The following VCL variants were observed in gnomAD, a reference collection of about 807,000 sequenced individuals.
VCL encodes the protein epididymis luminal protein 114.
Under a neutral mutation model 125.7 loss-of-function variants are expected in VCL, and 47 were observed. The observed-to-expected ratio is 0.37, with a 90% CI of 0.30 to 0.48. VCL has a LOEUF of 0.48. VCL is among the 20% of genes least tolerant of loss of function. The probability of loss-of-function intolerance (pLI) is 0.99; values close to 1 mark genes in which losing one functional copy is unlikely to be tolerated. For synonymous variants in VCL, 458 were observed against 514.6 expected (o/e 0.89, Z 1.49); for missense variants, 1,069 against 1,455.5 (o/e 0.73, Z 4.32).
At chr10:74,086,591 G>A (rs1378846362) in intron 8 of VCL, among the ~76,000 whole-genome samples, 1 of 152,212 alleles carries the variant, frequency 6.6e-6, no homozygotes. Flanking sequence ...TCCCAGTGTG[G>A]TAGCCAGTTT....
At chr10:74,023,354 A>G (rs1399813699) in intron 1 of VCL, among the ~76,000 whole-genome samples, 2 of 152,258 alleles carry the variant, frequency 1.3e-5, no homozygotes, top group Non-Finnish European at 2.9e-5. Flanking sequence ...AAGCCTCGGC[A>G]TGTAGTAGGC....
intron 2 of VCL, among the ~76,000 whole-genome samples, chr10:74,045,853 C>A (rs1178945458): frequency 6.6e-6 from 1 of 151,850 alleles, no homozygotes; most frequent in Admixed American, 6.6e-5. Context: ...GTTACATGGG[C>A]GGTTGTTTTA....
rs372402817 is a variant in VCL at position 74,097,326 on chromosome 10, G to A, written c.1866G>A (p.Arg622=). The change falls in exon 13 of 22, where the codon AGG becomes AGA. Residue 622 remains arginine, a synonymous_variant. Transcript: ENST00000211998. This position sits in a 1 kb window ranked among gnomAD's most constrained non-coding sequence, Gnocchi z 4.1. The part of the protein sequence containing the change: ...AATAPPDAPN[R]EEVFDERAAN... ...CGGCGCCTCCTGATGCGCCTAACAG[G>A]GAAGAGGTGGGTATCTGAGGTCTTC... The A allele has an allele frequency of 1.9e-6, 3 of 1,613,254 alleles. No homozygotes were observed. Among genetic ancestry groups the A allele is most frequent in the Non-Finnish European group, 2.5e-6 (3 of 1,179,754 alleles).
rs1839856660 is a variant in VCL at position 74,090,186 on chromosome 10, A to G, written c.1340A>G (p.Asp447Gly). The G allele has an allele frequency of 6.2e-7, 1 of 1,614,052 alleles. No individual in the cohort carries two copies. Among genetic ancestry groups the G allele is most frequent in the African/African-American group, 1.3e-5 (1 of 74,932 alleles). ...TCTGCTCTGACTTCTAAATTAGCAG[A>G]TCTACGAAGACAGTATGTATTTAAC... ...EISALTSKLA[D>G]LRRQGKGDSP... is the part of the protein sequence containing the mutation. The change falls in exon 10 of 22, where the codon GAT becomes GGT. Residue 447 changes from aspartate to glycine, a missense_variant. Around this residue, in one of 6 missense-constraint regions of VCL, gnomAD observed 760 missense variants for 928.9 expected, o/e 0.82. Transcript: ENST00000211998.
chr10:74,046,864 A>G (rs1841204275), intron 2 of VCL, among the ~76,000 whole-genome samples: 1 of 152,226 alleles, frequency 6.6e-6, no homozygotes. Context: ...ATGTGCTTTC[A>G]CAGACTTCTT....
chr10:74,067,423 G>A (rs1008071174), intron 2 of VCL, among the ~76,000 whole-genome samples: 1 of 151,860 alleles, frequency 6.6e-6, no homozygotes, highest in Non-Finnish European at 1.5e-5. Flanking sequence ...GGAGAATTAG[G>A]AGCCCTTATG....
chr10:74,064,564 C>A (rs1841535062), intron 2 of VCL, among the ~76,000 whole-genome samples: 1 of 152,094 alleles, frequency 6.6e-6, no homozygotes, highest in African/African-American at 2.4e-5. Flanking sequence ...AGCCACCGTG[C>A]CTGCCTATCT....
chr10:74,117,680 C>T lies in VCL; in HGVS notation c.3259-343C>T, dbSNP rs143447115. On this transcript the variant is annotated intron_variant, in intron 21 of 21. Coordinates refer to ENST00000211998, the MANE Select transcript of VCL (RefSeq NM_014000.3). ...AAAAGAATGAGCAGGGAAATCCTCA[C>T]CAAGGTGACAAGTGAGCAAAGATCT... Among the ~76,000 whole-genome samples the T allele has an allele frequency of 3.4e-4, 52 of 152,256 alleles. 1 individual carries two copies. The highest frequency in any genetic ancestry group is 1.2e-3 in the African/African-American group (49 of 41,558).
At chr10:74,087,512 A>AT (rs1839803136) in intron 8 of VCL, among the ~76,000 whole-genome samples, 1 of 116,004 alleles carries the variant, frequency 8.6e-6, no homozygotes, top group African/African-American at 4.1e-5. Context: ...ACGCCTGGCT[A>AT]ATTTTTTTTT....
chr10:74,083,207 A>G (rs1839707501), intron 7 of VCL, among the ~76,000 whole-genome samples, 159 bp from the exon 8 acceptor site: 1 of 152,208 alleles, frequency 6.6e-6, no homozygotes, highest in Non-Finnish European at 1.5e-5. Flanking sequence ...CTATGGTTTA[A>G]GGGCACTGCT....
At chr10:74,026,070 T>G (rs531363912) in intron 1 of VCL, among the ~76,000 whole-genome samples, 1 of 152,336 alleles carries the variant, frequency 6.6e-6, no homozygotes, top group East Asian at 1.9e-4. Context: ...AGCTAATGTT[T>G]TATTATGCAG....
chr10:74,002,421 G>A (rs1054283142), intron 1 of VCL, among the ~76,000 whole-genome samples: 4 of 151,616 alleles, frequency 2.6e-5, no homozygotes, highest in Admixed American at 6.6e-5. Flanking sequence ...CACCACGCCC[G>A]GCTGAATTGG....
At chr10:74,047,043 C>T (rs183336211) in intron 2 of VCL, among the ~76,000 whole-genome samples, 1 of 152,322 alleles carries the variant, frequency 6.6e-6, no homozygotes, top group African/African-American at 2.4e-5. Context: ...AAGCATTTAT[C>T]TTGCCTTTCC....
chr10:74,089,879 C>T, intron 9 of VCL, 144 bp from the exon 10 acceptor site: 1 of 921,584 alleles, frequency 1.1e-6, no homozygotes, highest in Non-Finnish European at 1.7e-6. Context: ...TATCTAAGAA[C>T]CTCCATACAA....
chr10:74,113,960 T>TC (rs1476613517), intron 19 of VCL, among the ~76,000 whole-genome samples: 1 of 152,056 alleles, frequency 6.6e-6, no homozygotes, highest in African/African-American at 2.4e-5. Flanking sequence ...CTCTCCTCTC[T>TC]CTTTGTTTCT....
At chr10:74,004,257 ATATT>A (rs1219887204) in intron 1 of VCL, among the ~76,000 whole-genome samples, 5 of 152,338 alleles carry the variant, frequency 3.3e-5, no homozygotes, top group Admixed American at 2.6e-4. Flanking sequence ...AATAAAAAGA[ATATT>A]TATGTGATCA....
Position 74,090,202 on chromosome 10 carries a change from T to C in VCL, c.1352+4T>C, listed in dbSNP as rs1191562884. On this transcript the variant is annotated splice_donor_region_variant and intron_variant, in intron 10 of 21. Transcript: ENST00000211998. ...AATTAGCAGATCTACGAAGACAGTA[T>C]GTATTTAACCCTTACATTGCCTTTT... The C allele has an allele frequency of 1.9e-6, 3 of 1,614,094 alleles. No homozygotes were observed. The highest frequency in any genetic ancestry group is 2.5e-6 in the Non-Finnish European group (3 of 1,180,004).
At chr10:74,029,393 G>A (rs1161598676) in intron 1 of VCL, among the ~76,000 whole-genome samples, 5 of 152,160 alleles carry the variant, frequency 3.3e-5, no homozygotes, top group African/African-American at 9.7e-5. Context: ...GATTACAGGC[G>A]TGAGCCACTG....
intron 10 of VCL, among the ~76,000 whole-genome samples, chr10:74,091,791 C>CAAAAAAAAAAAAAAAAAAAAAAAAA (rs545539526): frequency 9.8e-5 from 6 of 61,146 alleles, no homozygotes; most frequent in Admixed American, 3.0e-4. Flanking sequence ...TCTGTCTCAG[C>CAAAAAAAAAAAAAAAAAAAAAAAAA]AAAAAAAAAA....
Sources: gnomAD v4.1 joint callset for allele counts (sites outside exome capture counted in the v4.1 genomes callset) on GRCh38, gnomAD v4.1.1 for gene constraint, gnomAD v4.1.1 regional missense constraint, Gnocchi (gnomAD v3.1) non-coding constraint, MANE v1.5 for transcripts, NCBI Gene and HGNC (gene_info 2026-07-23, HGNC 2026-07-21) for gene names.